The following F7 variants were observed in gnomAD, a reference collection of about 807,000 sequenced individuals.
F7 encodes the protein FVII coagulation protein.
F7 carries 38 observed loss-of-function variants against 47.5 expected under a neutral mutation model. The observed-to-expected ratio is 0.80, with a 90% CI of 0.62 to 1.05. The LOEUF (loss-of-function observed/expected upper bound fraction) is 1.05. F7 is among the 50% of genes least tolerant of loss of function. F7 has a pLI of 0.00. For missense variants in F7, 575 were observed against 605.4 expected, an observed-to-expected ratio of 0.95 and a Z score of 0.53; for synonymous variants, 244 against 258.5, an observed-to-expected ratio of 0.94 and a Z score of 0.54.
rs373331399 is a variant in F7 at position 113,110,435 on chromosome 13, C to T, written c.65-255C>T. 62 of 451,158 alleles carry T rather than the reference C, an allele frequency of 1.4e-4. No individual in the cohort carries two copies. The East Asian group carries it at 2.5e-3, about 18-fold the overall frequency. 27.9% of individuals were successfully genotyped at this position (451,158 alleles called of 1,614,324 possible). The stretch of plus-strand genomic sequence containing the variant: ...CCGCAGCCCCCTTCGGCCCGGCTTC[C>T]GCGCGTGCCCCCGAGCGCGCCCTCG... On this transcript the variant is annotated intron_variant, in intron 1 of 7. Coordinates refer to ENST00000346342, the MANE Select transcript of F7 (RefSeq NM_019616.4).
chr13:113,110,957 C>T, intron 2 of F7, 107 bp downstream of exon 2: 3 of 1,289,114 alleles, frequency 2.3e-6, no homozygotes, highest in East Asian at 6.0e-5. Flanking sequence ...GGGCGGCGAA[C>T]ACGCAGCGGC....
At chr13:113,106,956 C>A (rs894955814) in intron 1 of F7, 1 of 1,555,118 alleles carries the variant, frequency 6.4e-7, no homozygotes, top group African/African-American at 1.4e-5. Flanking sequence ...CCAGTGGGGG[C>A]CAACATCACC....
chr13:113,118,630 C>T lies in F7; in HGVS notation c.957C>T (p.Val319=), dbSNP rs1410134506. The T allele has an allele frequency of 6.2e-7, 1 of 1,612,820 alleles. No individual in the cohort carries two copies. The highest frequency in any genetic ancestry group is 1.3e-5 in the African/African-American group (1 of 74,930). The change falls in exon 8 of 8, where the codon GTC becomes GTT. Residue 319 remains valine (V), a synonymous_variant. Coordinates refer to ENST00000346342, the MANE Select transcript of F7 (RefSeq NM_019616.4). ...RTLAFVRFSL[V]SGWGQLLDRG... ...TGGCCTTCGTGCGCTTCTCATTGGT[C>T]AGCGGCTGGGGCCAGCTGCTGGACC...
intron 1 of F7, among the ~76,000 whole-genome samples, chr13:113,106,178 C>A (rs974589446): frequency 6.8e-6 from 1 of 146,414 alleles, no homozygotes; most frequent in Non-Finnish European, 1.5e-5. Context: ...TGGGCCCCTG[C>A]CTGTGAGGTC....
intron 7 of F7, among the ~76,000 whole-genome samples, chr13:113,118,006 A>G (rs914421493): frequency 1.3e-5 from 2 of 152,226 alleles, no homozygotes; most frequent in Non-Finnish European, 2.9e-5. Context: ...CTTGACCAAG[A>G]GCCCAGAAGA....
At chr13:113,115,974 A>G (rs1216221544) in intron 5 of F7, among the ~76,000 whole-genome samples, 174 bp downstream of exon 5, 3 of 152,242 alleles carry the variant, frequency 2.0e-5, no homozygotes, top group Non-Finnish European at 4.4e-5. Context: ...CCAGAGCGAC[A>G]GTGACTAGGA....
At position 113,116,888 on chromosome 13, in the gene F7, C is replaced by T. The variant is rs770615954; in HGVS notation, c.615+13C>T. The T allele has an allele frequency of 6.3e-7, 1 of 1,598,726 alleles. No individual in the cohort carries two copies. The highest frequency in any genetic ancestry group is 1.3e-5 in the African/African-American group (1 of 74,758). The stretch of plus-strand genomic sequence containing the variant: ...GTGTCCATGGCAGGTAAGGCTTCCC[C>T]TGGCTTCAGGATTCCAAGCCCTGAG... On this transcript the variant is annotated intron_variant, in intron 6 of 7. Coordinates refer to ENST00000346342, the MANE Select transcript of F7 (RefSeq NM_019616.4).
chr13:113,110,889 G>T (rs1367283877), intron 2 of F7, 39 bp downstream of exon 2: 1 of 1,544,912 alleles, frequency 6.5e-7, no homozygotes, highest in Admixed American at 2.0e-5. Context: ...CGCGGACACT[G>T]CAGGCGGCGG....
In F7 at chr13:113,113,742, G is replaced by A; in HGVS notation, c.226-10G>A. On this transcript the variant is annotated splice_polypyrimidine_tract_variant and intron_variant, in intron 2 of 7. Coordinates refer to ENST00000346342, the MANE Select transcript of F7 (RefSeq NM_019616.4). The surrounding 1 kb of genome is among the most constrained non-coding windows in gnomAD (Gnocchi z 4.1). Reference sequence around the variant, plus strand: ...TGCATCTCACGAGGCTTGCTCTCTTGTTCCTTCAGAAGCTGTTCTGGATTT... The same window carrying A: ...TGCATCTCACGAGGCTTGCTCTCTTATTCCTTCAGAAGCTGTTCTGGATTT... 1 of 1,614,108 alleles carries A rather than the reference G, an allele frequency of 6.2e-7. No individual in the cohort carries two copies. The highest frequency in any genetic ancestry group is 1.3e-5 in the African/African-American group (1 of 75,052).
chr13:113,109,216 CGTGGGTGTCCCGGGGGT>C lies in F7; in HGVS notation c.65-1456_65-1440del, dbSNP rs2036040414. 8.6e-5 allele frequency among the ~76,000 whole-genome samples: 9 copies of C among 104,348 alleles called. No homozygotes were observed. In the South Asian group the frequency reaches 2.4e-3, roughly 28 times the overall value. The allele number at this position is 104,348 out of a possible 152,430, so 68.5% of individuals were successfully genotyped here. ...CCCAGGGGCGTGGGTGTCCGGGGGG[CGTGGGTGTCCCGGGGGT>C]GTGGGTGTCCCGGGGGTCGTGGGTG... On this transcript the variant is annotated intron_variant, in intron 1 of 7. Transcript: ENST00000346342.
chr13:113,116,990 C>T (rs1466095272), intron 6 of F7, 115 bp downstream of exon 6: 1 of 851,626 alleles, frequency 1.2e-6, no homozygotes, highest in Non-Finnish European at 2.0e-6. Context: ...CCACCAGGCT[C>T]CAAGTCAGCA....
chr13:113,106,746 C>T (rs1233812255), intron 1 of F7: 13 of 1,067,696 alleles, frequency 1.2e-5, no homozygotes, highest in Middle Eastern at 4.3e-4. Flanking sequence ...GTGGGGATGG[C>T]GAGTGGGGGG....
chr13:113,118,624 A>G lies in F7; in HGVS notation c.951A>G (p.Ser317=), dbSNP rs756289549. 4.3e-6 allele frequency: 7 copies of G among 1,612,740 alleles called. No individual in the cohort carries two copies. In the Admixed American group the frequency reaches 8.3e-5, roughly 19 times the overall value. ...SERTLAFVRF[S]LVSGWGQLLD... is the part of the protein sequence containing the mutation. Reference sequence around the variant, plus strand: ...GGACGCTGGCCTTCGTGCGCTTCTCATTGGTCAGCGGCTGGGGCCAGCTGC... The same window carrying G: ...GGACGCTGGCCTTCGTGCGCTTCTCGTTGGTCAGCGGCTGGGGCCAGCTGC... Residue 317 remains serine, a synonymous_variant, in exon 8 of 8, where the codon TCA becomes TCG. Coordinates refer to ENST00000346342, the MANE Select transcript of F7 (RefSeq NM_019616.4).
chr13:113,115,619 C>A, intron 4 of F7, 41 bp from the exon 5 acceptor site: 1 of 1,605,434 alleles, frequency 6.2e-7, no homozygotes, highest in Non-Finnish European at 8.5e-7. Flanking sequence ...TCTCGCTGAC[C>A]CCCAGAAGCC....
intron 2 of F7, 41 bp downstream of exon 2, chr13:113,110,891 A>C: frequency 6.5e-7 from 1 of 1,542,906 alleles, no homozygotes; most frequent in Non-Finnish European, 8.7e-7. Context: ...CGGACACTGC[A>C]GGCGGCGGTG....
intron 2 of F7, among the ~76,000 whole-genome samples, chr13:113,111,969 A>ACACC (rs2036106671): frequency 6.9e-6 from 1 of 144,842 alleles, no homozygotes; most frequent in Admixed American, 6.8e-5. Context: ...AGGTCACCTC[A>ACACC]CACAGGACAC....
chr13:113,109,656 C>T (rs1027603091), intron 1 of F7, among the ~76,000 whole-genome samples: 2 of 152,202 alleles, frequency 1.3e-5, no homozygotes, highest in African/African-American at 2.4e-5. Flanking sequence ...CCTCCTGCGG[C>T]CTCTCCAGAG....
intron 5 of F7, among the ~76,000 whole-genome samples, chr13:113,116,315 G>A (rs1485657726): frequency 6.6e-6 from 1 of 152,230 alleles, no homozygotes; most frequent in Non-Finnish European, 1.5e-5. Context: ...CTGGGACTCA[G>A]CCTGCCACCT....
chr13:113,115,904 A>G (rs1327139584), intron 5 of F7, 104 bp downstream of exon 5: 3 of 1,495,426 alleles, frequency 2.0e-6, no homozygotes, highest in Non-Finnish European at 2.8e-6. Context: ...ACATCTACTG[A>G]GCACTAACTA....
Sources: gnomAD v4.1 joint callset for allele counts (sites outside exome capture counted in the v4.1 genomes callset) on GRCh38, gnomAD v4.1.1 for gene constraint, Gnocchi (gnomAD v3.1) non-coding constraint, MANE v1.5 for transcripts, NCBI Gene and HGNC (gene_info 2026-07-23, HGNC 2026-07-21) for gene names.